JMJD1C: variants seen among roughly 807,000 people sequenced by gnomAD.
JMJD1C encodes the protein jumonji domain-containing protein 1C.
In JMJD1C, 31 loss-of-function variants were observed where a neutral mutation model predicts 245.3. The observed-to-expected ratio is 0.13, with a 90% CI of 0.09 to 0.17. The LOEUF (loss-of-function observed/expected upper bound fraction) is 0.17. Among genes scored for constraint, JMJD1C ranks in the 10% least tolerant of loss-of-function variants. The pLI is 1.00. For missense variants in JMJD1C, 2,691 were observed against 3,000.2 expected (o/e 0.90, Z 2.41); for synonymous variants, 1,057 against 1,017.4 (o/e 1.04, Z -0.74).
chr10:63,191,703 G>T (rs1197808696), intron 16 of JMJD1C, among the ~76,000 whole-genome samples: 1 of 152,062 alleles, frequency 6.6e-6, no homozygotes, highest in African/African-American at 2.4e-5. Context: ...ACAGGTAAGT[G>T]GCCGGGCGCG....
At chr10:63,296,944 A>C (rs768073582) in intron 2 of JMJD1C, among the ~76,000 whole-genome samples, 4 of 152,130 alleles carry the variant, frequency 2.6e-5, no homozygotes, top group Non-Finnish European at 4.4e-5. Context: ...CAGGTTACAC[A>C]TTTCTTCAAA....
chr10:63,433,993 G>C (rs1950926382), intron 1 of JMJD1C, among the ~76,000 whole-genome samples: 1 of 151,414 alleles, frequency 6.6e-6, no homozygotes, highest in African/African-American at 2.4e-5. Flanking sequence ...GCTAAATGCT[G>C]AAATGCAAAC....
At chr10:63,227,171 A>G (rs1849395867) in intron 3 of JMJD1C, among the ~76,000 whole-genome samples, 1 of 152,248 alleles carries the variant, frequency 6.6e-6, no homozygotes, top group Non-Finnish European at 1.5e-5. Context: ...AAAGAAAAAA[A>G]TAACCATCTA....
intron 1 of JMJD1C, among the ~76,000 whole-genome samples, chr10:63,399,121 G>A (rs936938512): frequency 2.0e-5 from 3 of 152,024 alleles, no homozygotes; most frequent in Admixed American, 6.5e-5. Context: ...TAAACTTTCC[G>A]GATTTAAATA....
chr10:63,338,879 C>A (rs1943117521), intron 2 of JMJD1C, among the ~76,000 whole-genome samples: 1 of 151,776 alleles, frequency 6.6e-6, no homozygotes, highest in Non-Finnish European at 1.5e-5. Context: ...GAACTCTCAA[C>A]CTCAGGTGAT....
At chr10:63,456,989 C>T (rs1952456566) in intron 1 of JMJD1C, among the ~76,000 whole-genome samples, 1 of 152,236 alleles carries the variant, frequency 6.6e-6, no homozygotes, top group African/African-American at 2.4e-5. Context: ...TTCATTCTTT[C>T]ATCAGTGTTC....
intron 1 of JMJD1C, among the ~76,000 whole-genome samples, chr10:63,400,147 G>A (rs1225104787): frequency 3.9e-5 from 6 of 152,080 alleles, no homozygotes; most frequent in African/African-American, 1.4e-4. Flanking sequence ...TATTCAATCA[G>A]AACCCTAACA....
At chr10:63,352,903 T>C (rs1944485249) in intron 2 of JMJD1C, among the ~76,000 whole-genome samples, 1 of 152,074 alleles carries the variant, frequency 6.6e-6, no homozygotes, top group African/African-American at 2.4e-5. Context: ...GTGTGGAATT[T>C]GGTAAAAGTA....
intron 2 of JMJD1C, among the ~76,000 whole-genome samples, chr10:63,367,407 T>G (rs1945939575): frequency 6.6e-6 from 1 of 151,960 alleles, no homozygotes; most frequent in South Asian, 2.1e-4. Flanking sequence ...CCACCATGCC[T>G]GGCTAATTTT....
At chr10:63,492,048 TTCTC>T (rs200363618) in intron 1 of JMJD1C, among the ~76,000 whole-genome samples, 3 of 152,186 alleles carry the variant, frequency 2.0e-5, no homozygotes, top group South Asian at 4.1e-4. Context: ...TCTTTCTTCT[TTCTC>T]TCTCTCTCTT....
intron 2 of JMJD1C, among the ~76,000 whole-genome samples, chr10:63,351,440 T>C (rs146043017): frequency 6.6e-6 from 1 of 152,306 alleles, no homozygotes; most frequent in Admixed American, 6.5e-5. Flanking sequence ...AATTCCAATA[T>C]ATGTATTAAA....
At chr10:63,284,574 C>T (rs1302518236) in intron 2 of JMJD1C, among the ~76,000 whole-genome samples, 1 of 152,044 alleles carries the variant, frequency 6.6e-6, no homozygotes, top group South Asian at 2.1e-4. Context: ...ATAATGAAAC[C>T]AAAACCACAG....
At chr10:63,233,593 T>C (rs1288340088) in intron 3 of JMJD1C, among the ~76,000 whole-genome samples, 1 of 152,008 alleles carries the variant, frequency 6.6e-6, no homozygotes, top group Admixed American at 6.6e-5. Flanking sequence ...TGAAATCTAC[T>C]TAAGCAATGG....
intron 1 of JMJD1C, among the ~76,000 whole-genome samples, chr10:63,389,967 C>T (rs1472904924): frequency 6.6e-6 from 1 of 152,006 alleles, no homozygotes; most frequent in Non-Finnish European, 1.5e-5. Context: ...AGTGTCAAAC[C>T]ATACATCCCA....
chr10:63,286,023 C>T (rs1405619935), intron 2 of JMJD1C, among the ~76,000 whole-genome samples: 1 of 43,590 alleles, frequency 2.3e-5, no homozygotes, highest in Non-Finnish European at 4.6e-5. Flanking sequence ...GTGCTCCAAA[C>T]CAGATTTACT....
chr10:63,429,589 A>G (rs1160280591), intron 1 of JMJD1C, among the ~76,000 whole-genome samples: 1 of 152,220 alleles, frequency 6.6e-6, no homozygotes, highest in Admixed American at 6.5e-5. Flanking sequence ...TTGAGATTCA[A>G]GGCAAAATTT....
chr10:63,228,687 C>T (rs886229382), intron 3 of JMJD1C, among the ~76,000 whole-genome samples: 2 of 152,096 alleles, frequency 1.3e-5, no homozygotes, highest in Non-Finnish European at 2.9e-5. Context: ...TATACTAATG[C>T]AATTTGATCT....
At chr10:63,292,825 G>A (rs1357554162) in intron 2 of JMJD1C, among the ~76,000 whole-genome samples, 2 of 151,832 alleles carry the variant, frequency 1.3e-5, no homozygotes, top group African/African-American at 4.8e-5. Context: ...TGGGCGGATC[G>A]CCTGAGGTCA....
chr10:63,429,663 G>A (rs1380152324), intron 1 of JMJD1C, among the ~76,000 whole-genome samples: 1 of 152,182 alleles, frequency 6.6e-6, no homozygotes, highest in African/African-American at 2.4e-5. Flanking sequence ...TTTGCCAGTT[G>A]AGAAAGCAGC....
Sources: gnomAD v4.1 joint callset for allele counts (sites outside exome capture counted in the v4.1 genomes callset) on GRCh38, gnomAD v4.1.1 for gene constraint, MANE v1.5 for transcripts, NCBI Gene and HGNC (gene_info 2026-07-23, HGNC 2026-07-21) for gene names.